The following JAKMIP2 variants were observed in gnomAD, a reference collection of about 807,000 sequenced individuals.
JAKMIP2 encodes the protein janus kinase and microtubule interacting protein 2, also known as janus kinase and microtubule-interacting protein 2.
JAKMIP2 carries 25 observed loss-of-function variants against 115.0 expected under a neutral mutation model. That is an observed-to-expected ratio of 0.22 (90% CI 0.16 to 0.30). The LOEUF (loss-of-function observed/expected upper bound fraction) is 0.30. Among genes scored for constraint, JAKMIP2 ranks in the 10% least tolerant of loss-of-function variants. The pLI is 1.00. For synonymous variants in JAKMIP2, 334 were observed against 343.6 expected (o/e 0.97, Z 0.31); for missense variants, 642 against 957.6 (o/e 0.67, Z 4.35).
At chr5:147,616,379 A>C (rs892039863) in intron 19 of JAKMIP2, among the ~76,000 whole-genome samples, 3 of 152,242 alleles carry the variant, frequency 2.0e-5, no homozygotes, top group African/African-American at 7.2e-5. Context: ...GAGGTTCAGA[A>C]ATGTACTATC....
chr5:147,674,916 T>C (rs1006164469), intron 1 of JAKMIP2, among the ~76,000 whole-genome samples: 11 of 152,148 alleles, frequency 7.2e-5, no homozygotes, highest in African/African-American at 2.4e-4. Flanking sequence ...GTTAGGCTGA[T>C]TTAATGGTCC....
intron 1 of JAKMIP2, among the ~76,000 whole-genome samples, chr5:147,710,068 G>T (rs1174808380): frequency 6.6e-6 from 1 of 152,124 alleles, no homozygotes; most frequent in Non-Finnish European, 1.5e-5. Flanking sequence ...TGTAATAGGG[G>T]CTTAAAATCC....
intron 1 of JAKMIP2, among the ~76,000 whole-genome samples, chr5:147,743,077 T>A (rs889134697): frequency 2.0e-5 from 3 of 152,230 alleles, no homozygotes; most frequent in Admixed American, 6.5e-5. Context: ...GTACTTATTA[T>A]GAGAAATAAA....
intron 3 of JAKMIP2, among the ~76,000 whole-genome samples, chr5:147,655,634 A>G (rs1033434721): frequency 2.0e-5 from 3 of 151,910 alleles, no homozygotes; most frequent in African/African-American, 7.3e-5. Flanking sequence ...TTAATTTTTT[A>G]AAAAATCCAG....
At chr5:147,631,929 C>G (rs1757374322) in intron 13 of JAKMIP2, among the ~76,000 whole-genome samples, 2 of 152,128 alleles carry the variant, frequency 1.3e-5, no homozygotes, top group Non-Finnish European at 2.9e-5. Context: ...TTCACTGAAG[C>G]CTACTAACAC....
At chr5:147,740,896 C>G (rs1033407619) in intron 1 of JAKMIP2, among the ~76,000 whole-genome samples, 1 of 152,166 alleles carries the variant, frequency 6.6e-6, no homozygotes, top group South Asian at 2.1e-4. Context: ...CTGTGGCTTT[C>G]TTTTACATGG....
intron 1 of JAKMIP2, among the ~76,000 whole-genome samples, chr5:147,731,377 G>C (rs1214169611): frequency 6.6e-6 from 1 of 152,170 alleles, no homozygotes; most frequent in Non-Finnish European, 1.5e-5. Flanking sequence ...ACGACTATTA[G>C]CAGTGTTCTA....
intron 16 of JAKMIP2, among the ~76,000 whole-genome samples, chr5:147,624,483 C>CG (rs1757006810): frequency 6.6e-6 from 1 of 152,054 alleles, no homozygotes; most frequent in Non-Finnish European, 1.5e-5. Context: ...ATTGGGACAA[C>CG]GGTAATTTTT....
chr5:147,698,860 G>A (rs1422008788), intron 1 of JAKMIP2, among the ~76,000 whole-genome samples: 4 of 152,156 alleles, frequency 2.6e-5, no homozygotes, highest in Non-Finnish European at 5.9e-5. Context: ...GTTGCTCAAA[G>A]TGGAAAGTGG....
In JAKMIP2 at chr5:147,689,602, C is replaced by T. The variant is rs138056484; in HGVS notation, c.-148-17648G>A. Among the ~76,000 whole-genome samples the T allele has an allele frequency of 2.0e-4, 31 of 152,178 alleles. 1 individual carries two copies. The East Asian group carries it at 6.0e-3, about 30-fold the overall frequency. ...TAAGTTGAGCTGAGATGCAGAGCCACGTTGATCTGATGATGTATTAAACAG... is the reference window on the plus strand; with the variant it reads ...TAAGTTGAGCTGAGATGCAGAGCCATGTTGATCTGATGATGTATTAAACAG... On this transcript the variant is annotated intron_variant, in intron 1 of 21. Coordinates refer to ENST00000616793, the MANE Select transcript of JAKMIP2 (RefSeq NM_001270941.2).
In JAKMIP2 at chr5:147,666,652, T is replaced by C. The variant is rs1226965092; in HGVS notation, c.129+5026A>G. 2.0e-5 allele frequency among the ~76,000 whole-genome samples: 3 copies of C among 152,330 alleles called. No homozygotes were observed. In the East Asian group the frequency reaches 5.8e-4, roughly 29 times the overall value. On this transcript the variant is annotated intron_variant, in intron 2 of 21. Coordinates refer to ENST00000616793, the MANE Select transcript of JAKMIP2 (RefSeq NM_001270941.2). ...GTAAAGAAGACTCACTAAAGTACAT[T>C]GTGGGCCAGGAGCTGGCTCCAGGTA...
rs970586980 is a variant in JAKMIP2 at position 147,588,564 on chromosome 5, T to C, written c.*3143A>G. 6.6e-6 allele frequency: 1 copy of C among 152,156 alleles called. No homozygotes were observed. Among genetic ancestry groups the C allele is most frequent in the African/African-American group, 2.4e-5 (1 of 41,442 alleles). 9.4% of individuals were successfully genotyped at this position (152,156 alleles called of 1,614,324 possible). ...TGTGAAAATGGATAATAGAGAGATG[T>C]ATCTATTGAAATATTTATACTTTAT... On this transcript the variant is annotated 3_prime_UTR_variant, in exon 22 of 22. Transcript: ENST00000616793.
At chr5:147,733,626 G>A (rs559358075) in intron 1 of JAKMIP2, among the ~76,000 whole-genome samples, 1,903 of 151,846 alleles carry the variant, frequency 0.013, 49 homozygotes, top group African/African-American at 0.044. Flanking sequence ...TCTCCCACCC[G>A]CTGACAGGCC....
At chr5:147,728,684 T>C (rs1300083467) in intron 1 of JAKMIP2, among the ~76,000 whole-genome samples, 5 of 152,230 alleles carry the variant, frequency 3.3e-5, no homozygotes. Flanking sequence ...TTAGTTCACA[T>C]GACTTAAATA....
In JAKMIP2 at chr5:147,631,529, A is replaced by G; in HGVS notation, c.1777-18T>C. On this transcript the variant is annotated intron_variant, in intron 13 of 21. Transcript: ENST00000616793. ...TCTCTCTCCTTGAAACACAGTGAAG[A>G]ATATATGGAAATTAAAAACAAAACT... 1.3e-6 allele frequency: 2 copies of G among 1,489,994 alleles called. No individual in the cohort carries two copies. Among genetic ancestry groups the G allele is most frequent in the Non-Finnish European group, 1.9e-6 (2 of 1,069,070 alleles). 92.3% of individuals were successfully genotyped at this position (1,489,994 alleles called of 1,614,324 possible). A position where few individuals can be genotyped will look rare whatever the true frequency, so the allele number is the denominator to read the frequency against.
Position 147,671,685 on chromosome 5 carries a change from T to C in JAKMIP2, c.122A>G (p.Lys41Arg), listed in dbSNP as rs770676650. ...CAGGTAGCCCTCGCTCACCTTGGAC[T>C]TCTCTTGATGCAGCTCTATCTGAAT... ...TDIQIELHQE[K>R]SKVSKLEREK... The change falls in exon 2 of 22, where the codon AAG (lysine) becomes AGG (arginine). Residue 41 changes from lysine to arginine, a missense_variant. Around this residue, in one of 6 missense-constraint regions of JAKMIP2, gnomAD observed 439 missense variants for 570.9 expected, o/e 0.77. Transcript: ENST00000616793. The C allele has an allele frequency of 6.7e-6, 10 of 1,491,618 alleles. No individual in the cohort carries two copies. Among genetic ancestry groups the C allele is most frequent in the Non-Finnish European group, 7.2e-6 (8 of 1,114,176 alleles). 92.4% of individuals were successfully genotyped at this position (1,491,618 alleles called of 1,614,324 possible). A position where few individuals can be genotyped will look rare whatever the true frequency, so the allele number is the denominator to read the frequency against.
chr5:147,679,211 G>A (rs1033876329), intron 1 of JAKMIP2, among the ~76,000 whole-genome samples: 2 of 152,038 alleles, frequency 1.3e-5, no homozygotes, highest in African/African-American at 4.8e-5. Flanking sequence ...GAACTCCTGT[G>A]CTCAAGAGAT....
chr5:147,758,301 G>A (rs1160010790), intron 1 of JAKMIP2, among the ~76,000 whole-genome samples: 1 of 152,112 alleles, frequency 6.6e-6, no homozygotes, highest in Non-Finnish European at 1.5e-5. Context: ...TAACGAAAAG[G>A]CATAGTGAGC....
chr5:147,731,911 T>C (rs929870217), intron 1 of JAKMIP2, among the ~76,000 whole-genome samples: 1 of 152,318 alleles, frequency 6.6e-6, no homozygotes, highest in East Asian at 1.9e-4. Context: ...TTGTTCTGGG[T>C]ATTTGATATT....
Sources: allele counts gnomAD v4.1 joint callset (sites outside exome capture counted in the v4.1 genomes callset), GRCh38; gene constraint gnomAD v4.1.1; regional missense constraint gnomAD v4.1.1; transcripts MANE v1.5; gene names NCBI Gene and HGNC (gene_info 2026-07-23, HGNC 2026-07-21).